ZDHHC24: variants seen among roughly 807,000 people sequenced by gnomAD.
The protein encoded by ZDHHC24 is probable palmitoyltransferase ZDHHC24.
A neutral mutation model predicts 23.2 loss-of-function variants in ZDHHC24; 17 were observed. The observed-to-expected ratio is 0.73, with a 90% CI of 0.50 to 1.10. ZDHHC24 has a LOEUF of 1.10. ZDHHC24 is among the 50% of genes least tolerant of loss of function. The pLI is 0.00. For synonymous variants in ZDHHC24, 186 were observed against 194.5 expected (o/e 0.96, Z 0.36); for missense variants, 366 against 393.0 (o/e 0.93, Z 0.58).
At chr11:66,539,977 G>A (rs755393147) in intron 2 of ZDHHC24, among the ~76,000 whole-genome samples, 153 bp from the exon 3 acceptor site, 8 of 152,172 alleles carry the variant, frequency 5.3e-5, no homozygotes, top group Non-Finnish European at 7.4e-5. Context: ...TGACAAGAAC[G>A]CACTGGTAAA....
At chr11:66,531,651 CTT>C (rs761982984), downstream of ZDHHC24, 9 of 1,614,102 alleles carry the variant, frequency 5.6e-6, no homozygotes, top group Non-Finnish European at 8.5e-7. Flanking sequence ...TGTCCCCAAA[CTT>C]AGGTACCCTT....
chr11:66,528,082 T>A (rs1276687785), intron 3 of ZDHHC24, among the ~76,000 whole-genome samples: 1 of 151,824 alleles, frequency 6.6e-6, no homozygotes, highest in East Asian at 1.9e-4. Context: ...AATACAAAAT[T>A]AGCTGGGCAT....
downstream of ZDHHC24, among the ~76,000 whole-genome samples, chr11:66,535,262 T>C (rs1178566594): frequency 6.6e-6 from 1 of 151,952 alleles, no homozygotes; most frequent in African/African-American, 2.4e-5. Flanking sequence ...CAGGCTGGAG[T>C]GCAGAAGCAC....
At chr11:66,530,027 C>T in intron 2 of ZDHHC24, 1 of 1,537,742 alleles carries the variant, frequency 6.5e-7, no homozygotes, top group South Asian at 1.2e-5. Flanking sequence ...CTCTGCCACA[C>T]AGCTAAGCCC....
downstream of ZDHHC24, chr11:66,532,076 G>T: frequency 6.4e-7 from 1 of 1,566,438 alleles, no homozygotes. Context: ...CAATCAGCCA[G>T]GGAGAACTGG....
intron 4 of ZDHHC24, chr11:66,523,605 C>T (rs1410014599): frequency 1.2e-6 from 2 of 1,613,892 alleles, no homozygotes; most frequent in South Asian, 2.2e-5. Context: ...AGCAGCCCCT[C>T]CACGCCTATG....
chr11:66,526,506 T>C, intron 4 of ZDHHC24: 2 of 1,033,606 alleles, frequency 1.9e-6, no homozygotes, highest in Non-Finnish European at 3.0e-6. Context: ...AGATGCACTT[T>C]GTTACTTCCA....
chr11:66,520,945 C>T (rs960391516), downstream of ZDHHC24: 8 of 381,924 alleles, frequency 2.1e-5, no homozygotes, highest in Middle Eastern at 7.5e-4. Context: ...TCTTGAACTC[C>T]TGAGCTCAAG....
chr11:66,539,970 CAAG>C, intron 2 of ZDHHC24, 146 bp from the exon 3 acceptor site: 4 of 772,374 alleles, frequency 5.2e-6, no homozygotes, highest in Non-Finnish European at 7.8e-6. Flanking sequence ...TGCTGGGTGA[CAAG>C]AACGCACTGG....
In ZDHHC24 at chr11:66,543,904, C is replaced by T. The variant is rs553918960; in HGVS notation, c.359G>A (p.Arg120Gln). The part of the protein sequence containing the change: ...CSACRVCILR[R>Q]DHHCRLLGRC... ...GCCCAGCAGGCGGCAGTGGTGGTCC[C>T]GACGCAGGATGCAGACGCGGCAGGC... Residue 120 changes from arginine (R) to glutamine (Q), a missense_variant, in exon 2 of 3, where the codon CGG becomes CAG. By Grantham distance (43) the Arg-to-Gln change is conservative (BLOSUM62 1). Transcript: ENST00000310442. 4.3e-6 allele frequency: 7 copies of T among 1,614,012 alleles called. No homozygotes were observed. The highest frequency in any genetic ancestry group is 3.3e-5 in the Admixed American group (2 of 60,018).
In ZDHHC24 at chr11:66,526,729, C is replaced by T. The variant is rs1856520165; in HGVS notation, c.*21+207G>A. On this transcript the variant is annotated intron_variant, in intron 4 of 4. Coordinates refer to the ZDHHC24 transcript ENST00000526986. ...AAGTGAGGTGGGTCCCCCACCAGCCCAGGCCATGAAACTCAATGTGCCCCG... is the reference window on the plus strand; with the variant it reads ...AAGTGAGGTGGGTCCCCCACCAGCCTAGGCCATGAAACTCAATGTGCCCCG... 1 of 1,614,216 alleles carries T rather than the reference C, an allele frequency of 6.2e-7. No individual in the cohort carries two copies. Among genetic ancestry groups the T allele is most frequent in the Non-Finnish European group, 8.5e-7 (1 of 1,180,044 alleles).
chr11:66,543,799 A>G lies in ZDHHC24; in HGVS notation c.464T>C (p.Val155Ala). ...HAAGVLLHVS[V>A]LLGPALSALL... ...GGCCGACAGTGCAGGGCCCAGCAGC[A>G]CAGAGACGTGGAGCAGGACGCCGGC... Residue 155 changes from valine to alanine, a missense_variant, in exon 2 of 3, where the codon GTG becomes GCG. Val to Ala is a moderately conservative substitution (Grantham distance 64). Transcript: ENST00000310442. The G allele has an allele frequency of 6.2e-7, 1 of 1,613,192 alleles. No homozygotes were observed.
chr11:66,529,365 T>G, exon 3 of ZDHHC24: 2 of 1,496,408 alleles, frequency 1.3e-6, no homozygotes, highest in Non-Finnish European at 1.8e-6. Flanking sequence ...GACCTCCCTG[T>G]GGAGATGAGC....
At chr11:66,534,841 G>T (rs1012818381), downstream of ZDHHC24, among the ~76,000 whole-genome samples, 7 of 149,324 alleles carry the variant, frequency 4.7e-5, no homozygotes, top group Admixed American at 4.0e-4. Flanking sequence ...GACTACAGGC[G>T]CCTGCCACCA....
chr11:66,541,123 C>T (rs764034715), intron 2 of ZDHHC24, among the ~76,000 whole-genome samples: 38 of 152,030 alleles, frequency 2.5e-4, no homozygotes, highest in Non-Finnish European at 2.6e-4. Flanking sequence ...TAAAATGGGC[C>T]GGGTGTGGTG....
intron 2 of ZDHHC24, among the ~76,000 whole-genome samples, chr11:66,530,176 A>G (rs1418200227): frequency 6.6e-6 from 1 of 152,042 alleles, no homozygotes; most frequent in African/African-American, 2.4e-5. Context: ...TCGGCTGGCC[A>G]TGCCGTGGGA....
intron 3 of ZDHHC24, chr11:66,527,131 C>T: frequency 1.0e-6 from 1 of 986,834 alleles, no homozygotes; most frequent in Non-Finnish European, 1.5e-6. Flanking sequence ...AATCCCAACA[C>T]TTTGGCAGAG....
chr11:66,544,660 C>T (rs2134897171), intron 1 of ZDHHC24, among the ~76,000 whole-genome samples: 1 of 152,188 alleles, frequency 6.6e-6, no homozygotes, highest in East Asian at 1.9e-4. Context: ...TCAAATGCCT[C>T]CTTCTCTATG....
chr11:66,523,411 GA>G, intron 4 of ZDHHC24: 1 of 1,614,070 alleles, frequency 6.2e-7, no homozygotes, highest in Non-Finnish European at 8.5e-7. Flanking sequence ...CATAGAAGTG[GA>G]GAGGATTTCT....
Sources: gnomAD v4.1 joint callset for allele counts (sites outside exome capture counted in the v4.1 genomes callset) on GRCh38, gnomAD v4.1.1 for gene constraint, MANE v1.5 for transcripts, NCBI Gene and HGNC (gene_info 2026-07-23, HGNC 2026-07-21) for gene names.